Variants in PGR observed in about 807,000 individuals in gnomAD.
The protein encoded by PGR is nuclear receptor subfamily 3 group C member 3.
PGR carries 25 observed loss-of-function variants against 76.1 expected under a neutral mutation model. The ratio of observed to expected loss-of-function variants is 0.33; its 90% CI spans 0.24 to 0.46. The LOEUF (loss-of-function observed/expected upper bound fraction) is 0.46, where lower values mean the gene tolerates loss of function less well. Ranked by LOEUF, PGR falls within the 20% of genes least tolerant of loss-of-function variation. The pLI is 1.00. For synonymous variants in PGR, 579 were observed against 535.0 expected (o/e 1.08, Z -1.14); for missense variants, 1,172 against 1,225.3 (o/e 0.96, Z 0.65).
chr11:101,039,449 T>C (rs1266781459), intron 7 of PGR, among the ~76,000 whole-genome samples, 178 bp from the exon 8 acceptor site: 1 of 152,022 alleles, frequency 6.6e-6, no homozygotes, highest in East Asian at 1.9e-4. Flanking sequence ...TAAAATGTTA[T>C]ATACTCATGA....
chr11:101,127,793 C>A lies in PGR; in HGVS notation c.1278G>T (p.Pro426=). The A allele has an allele frequency of 6.4e-7, 1 of 1,565,366 alleles. No individual in the cohort carries two copies. The highest frequency in any genetic ancestry group is 1.1e-5 in the South Asian group (1 of 87,036). ...DFPLGPPPPL[P]PRATPSRPGE... ...CGGGTCTGGATGGGGTCGCTCGCGG[C>A]GGCAGCGGGGGCGGTGGCCCCAACG... is the stretch of plus-strand genomic sequence containing the variant. Residue 426 remains proline (P), a synonymous_variant, in exon 1 of 8, where the codon CCG becomes CCT. Transcript: ENST00000325455.
At chr11:101,102,823 A>G (rs1217253308) in intron 2 of PGR, among the ~76,000 whole-genome samples, 1 of 125,546 alleles carries the variant, frequency 8.0e-6, no homozygotes, top group Non-Finnish European at 1.6e-5. Context: ...GACAGGTTTC[A>G]TGAAAGACGA....
chr11:101,121,796 C>T (rs1862685780), intron 2 of PGR, among the ~76,000 whole-genome samples: 1 of 152,154 alleles, frequency 6.6e-6, no homozygotes, highest in Non-Finnish European at 1.5e-5. Context: ...GTGCCTGGCG[C>T]ATGGCAGGTA....
chr11:101,125,997 A>AG lies in PGR; in HGVS notation c.1789+9dup. The AG allele has an allele frequency of 6.2e-7, 1 of 1,612,852 alleles. No individual in the cohort carries two copies. The highest frequency in any genetic ancestry group is 1.1e-5 in the South Asian group (1 of 91,048). ...AACCAATAATAAAGGATCAGGGGAA[A>AG]GGAGCCTACCTTCCATTGCCCTCTT... On this transcript the variant is annotated intron_variant, in intron 2 of 7. Coordinates refer to ENST00000325455, the MANE Select transcript of PGR (RefSeq NM_000926.4).
chr11:101,037,624 C>A lies in PGR; in HGVS notation c.*1492G>T, dbSNP rs922101332. The A allele has an allele frequency of 4.4e-6, 1 of 226,456 alleles. No homozygotes were observed. Among genetic ancestry groups the A allele is most frequent in the African/African-American group, 2.2e-5 (1 of 44,906 alleles). 14.0% of individuals were successfully genotyped at this position (226,456 alleles called of 1,614,324 possible). A position where few individuals can be genotyped will look rare whatever the true frequency, so the allele number is the denominator to read the frequency against. ...TATTGTCCTTAAGACACATAAAATA[C>A]ACTTCTATTCTTCTATGTTATAGTC... On this transcript the variant is annotated 3_prime_UTR_variant, in exon 8 of 8. Coordinates refer to ENST00000325455, the MANE Select transcript of PGR (RefSeq NM_000926.4).
intron 4 of PGR, among the ~76,000 whole-genome samples, chr11:101,054,897 A>G (rs181563057): frequency 3.8e-4 from 58 of 152,284 alleles, no homozygotes; most frequent in African/African-American, 1.3e-3. Context: ...GAAATCCACC[A>G]GTCAGTTTAA....
chr11:101,129,045 G>A lies in PGR; in HGVS notation c.26C>T (p.Pro9Leu), dbSNP rs757679709. The change falls in exon 1 of 8, where the codon CCC (proline) becomes CTC (leucine). Residue 9 changes from proline to leucine, a missense_variant. Physicochemically the swap from Pro to Leu is moderately conservative, Grantham distance 98. Transcript: ENST00000325455. MTELKAKG[P>L]RAPHVAGGPP... ...GCCGCCCGCCACGTGGGGAGCCCGG[G>A]GACCCTTTGCCTTCAGCTCAGTCAT... The A allele has an allele frequency of 9.0e-6, 14 of 1,560,116 alleles. No homozygotes were observed. Among genetic ancestry groups the A allele is most frequent in the Admixed American group, 5.7e-5 (3 of 52,222 alleles).
intron 3 of PGR, among the ~76,000 whole-genome samples, chr11:101,083,732 A>T (rs1009040476): frequency 6.6e-6 from 1 of 152,194 alleles, no homozygotes; most frequent in African/African-American, 2.4e-5. Context: ...ACTCCCATTT[A>T]AAATGGGAGT....
intron 3 of PGR, among the ~76,000 whole-genome samples, chr11:101,076,385 C>A (rs1030985678): frequency 6.6e-6 from 1 of 152,018 alleles, no homozygotes; most frequent in Non-Finnish European, 1.5e-5. Flanking sequence ...TTGATGGGTG[C>A]AGCAAAACAT....
chr11:101,123,187 C>A (rs1029799168), intron 2 of PGR, among the ~76,000 whole-genome samples: 1 of 152,080 alleles, frequency 6.6e-6, no homozygotes, highest in Non-Finnish European at 1.5e-5. Flanking sequence ...ATAATAATAC[C>A]AACATTATAA....
At chr11:101,058,166 G>A (rs1478155455) in intron 4 of PGR, among the ~76,000 whole-genome samples, 1 of 152,144 alleles carries the variant, frequency 6.6e-6, no homozygotes, top group African/African-American at 2.4e-5. Context: ...TAGTCCCAGA[G>A]GTAGGTGAAA....
chr11:101,109,837 C>G (rs772137938), intron 2 of PGR, among the ~76,000 whole-genome samples: 2 of 152,200 alleles, frequency 1.3e-5, no homozygotes, highest in African/African-American at 2.4e-5. Flanking sequence ...AAGTCAATGC[C>G]TGGCTTCAAA....
At chr11:101,085,598 A>G (rs1171788850) in intron 3 of PGR, among the ~76,000 whole-genome samples, 2 of 151,402 alleles carry the variant, frequency 1.3e-5, no homozygotes, top group Non-Finnish European at 2.9e-5. Context: ...GACGAACTAA[A>G]GAGCAGAACC....
intron 2 of PGR, among the ~76,000 whole-genome samples, chr11:101,101,902 T>C (rs544521287): frequency 2.6e-5 from 4 of 152,286 alleles, no homozygotes; most frequent in Non-Finnish European, 4.4e-5. Context: ...CAGAAGCTCT[T>C]TGGGCTTGTA....
At chr11:101,083,080 G>A (rs1196505581) in intron 3 of PGR, among the ~76,000 whole-genome samples, 31 of 152,224 alleles carry the variant, frequency 2.0e-4, no homozygotes, top group Admixed American at 2.0e-3. Flanking sequence ...ACTCTGTGCA[G>A]CCTTGGGACA....
intron 2 of PGR, among the ~76,000 whole-genome samples, chr11:101,107,625 AG>A (rs1234626911): frequency 6.6e-6 from 1 of 152,198 alleles, no homozygotes; most frequent in Non-Finnish European, 1.5e-5. Context: ...TTGTCAACAA[AG>A]TTGTTCATGT....
intron 4 of PGR, among the ~76,000 whole-genome samples, chr11:101,058,706 C>CAGT (rs1421447199): frequency 1.3e-5 from 2 of 152,170 alleles, no homozygotes; most frequent in Non-Finnish European, 2.9e-5. Context: ...TATTGATGTA[C>CAGT]AGGATGAGGA....
rs565688974 is a variant in PGR, at chr11:101,038,912, T to C, written c.*204A>G. 2.9e-4 allele frequency: 138 copies of C among 475,964 alleles called. No individual in the cohort carries two copies. Among genetic ancestry groups the C allele is most frequent in the Admixed American group, 1.2e-3 (32 of 26,616 alleles). The allele number at this position is 475,964 out of a possible 1,614,324, so 29.5% of individuals were successfully genotyped here. A position where few individuals can be genotyped will look rare whatever the true frequency, so the allele number is the denominator to read the frequency against. ...TGTAAATTCTTCAAGAAAATATGGG[T>C]AAACAAAACAGTTAAACATTCTAAT... On this transcript the variant is annotated 3_prime_UTR_variant, in exon 8 of 8. Coordinates refer to ENST00000325455, the MANE Select transcript of PGR (RefSeq NM_000926.4).
At chr11:101,058,931 G>A (rs1163473236) in intron 4 of PGR, among the ~76,000 whole-genome samples, 1 of 152,096 alleles carries the variant, frequency 6.6e-6, no homozygotes, top group Admixed American at 6.6e-5. Flanking sequence ...CAGTGTCCGA[G>A]GGACTGTATG....
Sources: allele counts gnomAD v4.1 joint callset (sites outside exome capture counted in the v4.1 genomes callset), GRCh38; gene constraint gnomAD v4.1.1; transcripts MANE v1.5; gene names NCBI Gene and HGNC (gene_info 2026-07-23, HGNC 2026-07-21).